STPG2: variants seen among roughly 807,000 people sequenced by gnomAD.
STPG2 encodes the protein sperm tail PG-rich repeat containing 2, also known as sperm-tail PG-rich repeat-containing protein 2.
STPG2 carries 56 observed loss-of-function variants against 54.2 expected under a neutral mutation model. The ratio of observed to expected loss-of-function variants is 1.03; its 90% CI spans 0.83 to 1.29. The LOEUF (loss-of-function observed/expected upper bound fraction) is 1.29. Among genes scored for constraint, STPG2 ranks in the 50% most tolerant of loss-of-function variants. STPG2 has a pLI of 0.00. For synonymous variants in STPG2, 200 were observed against 181.8 expected (o/e 1.10, Z -0.81); for missense variants, 596 against 544.9 (o/e 1.09, Z -0.93).
At chr4:97,937,170 G>A (rs1732777160) in intron 8 of STPG2, among the ~76,000 whole-genome samples, 1 of 151,658 alleles carries the variant, frequency 6.6e-6, no homozygotes, top group African/African-American at 2.4e-5. Context: ...GATCGATTCA[G>A]CTATTGATAT....
At chr4:97,494,438 T>A (rs765416955) in intron 4 of STPG2, among the ~76,000 whole-genome samples, 6 of 151,550 alleles carry the variant, frequency 4.0e-5, no homozygotes, top group Admixed American at 1.3e-4. Context: ...AATTTTAGAA[T>A]TGCTGTGAAC....
intron 9 of STPG2, among the ~76,000 whole-genome samples, chr4:97,761,164 C>A (rs567738011): frequency 1.3e-5 from 2 of 152,104 alleles, no homozygotes; most frequent in South Asian, 4.1e-4. Context: ...GAATTGTGCC[C>A]CCCAAAAAAA....
intron 10 of STPG2, among the ~76,000 whole-genome samples, chr4:97,679,966 G>C (rs1439971854): frequency 6.6e-6 from 1 of 151,912 alleles, no homozygotes; most frequent in African/African-American, 2.4e-5. Context: ...TGAGGGCTCT[G>C]TTCTGTTCCA....
At chr4:97,498,535 G>A (rs1234056530) in intron 4 of STPG2, among the ~76,000 whole-genome samples, 1 of 151,414 alleles carries the variant, frequency 6.6e-6, no homozygotes, top group Non-Finnish European at 1.5e-5. Context: ...CTAAAGAAAA[G>A]TGCATGATTA....
intron 8 of STPG2, among the ~76,000 whole-genome samples, chr4:97,918,389 T>A (rs963405410): frequency 1.3e-5 from 2 of 152,156 alleles, no homozygotes; most frequent in African/African-American, 4.8e-5. Context: ...GAATTTTTTA[T>A]GCATTAAGGA....
chr4:97,998,858 C>T (rs1191214414), intron 5 of STPG2, among the ~76,000 whole-genome samples: 1 of 152,100 alleles, frequency 6.6e-6, no homozygotes, highest in Non-Finnish European at 1.5e-5. Context: ...CTGTGGTGTT[C>T]CATGCACATG....
chr4:97,442,981 A>T (rs950087564), intron 4 of STPG2, among the ~76,000 whole-genome samples: 8 of 152,126 alleles, frequency 5.3e-5, no homozygotes, highest in African/African-American at 1.9e-4. Flanking sequence ...TTGAAAGGAA[A>T]GGAGCTTGAC....
intron 10 of STPG2, among the ~76,000 whole-genome samples, chr4:97,571,286 C>T (rs999098676): frequency 6.6e-6 from 1 of 151,930 alleles, no homozygotes; most frequent in African/African-American, 2.4e-5. Context: ...TATCCATAAA[C>T]CAAAAATAAA....
intron 10 of STPG2, among the ~76,000 whole-genome samples, chr4:97,563,857 A>G (rs1393551824): frequency 6.6e-6 from 1 of 152,134 alleles, no homozygotes; most frequent in African/African-American, 2.4e-5. Context: ...CTTTACTTCT[A>G]ATGATGTGGT....
chr4:97,554,044 A>G (rs147361119), downstream of STPG2, among the ~76,000 whole-genome samples: 629 of 152,282 alleles, frequency 4.1e-3, 3 homozygotes, highest in South Asian at 0.02. Context: ...TAACTCTTCT[A>G]AAGTGTCATT....
intron 4 of STPG2, among the ~76,000 whole-genome samples, chr4:97,549,735 T>TA (rs1731923954): frequency 6.6e-6 from 1 of 152,170 alleles, no homozygotes; most frequent in African/African-American, 2.4e-5. Context: ...AGACTGGAGT[T>TA]ATGTTTCCAT....
chr4:97,987,207 A>G (rs2149266838), intron 5 of STPG2, among the ~76,000 whole-genome samples: 1 of 152,314 alleles, frequency 6.6e-6, no homozygotes, highest in South Asian at 2.1e-4. Flanking sequence ...CTGAAAACAC[A>G]CTACCTGAAA....
chr4:97,931,167 C>T (rs907681533), intron 8 of STPG2, among the ~76,000 whole-genome samples: 2 of 152,128 alleles, frequency 1.3e-5, no homozygotes, highest in Admixed American at 6.5e-5. Flanking sequence ...TATTTGGATG[C>T]CTTTTATTTT....
chr4:97,653,529 A>G (rs992642937), intron 10 of STPG2, among the ~76,000 whole-genome samples: 2 of 152,116 alleles, frequency 1.3e-5, no homozygotes, highest in African/African-American at 4.8e-5. Context: ...GGGAGCTTTC[A>G]AAAAATGACT....
intron 5 of STPG2, among the ~76,000 whole-genome samples, chr4:97,984,717 T>C (rs1041644005): frequency 5.3e-5 from 8 of 152,220 alleles, no homozygotes; most frequent in African/African-American, 1.9e-4. Flanking sequence ...TTTTTTGAAG[T>C]GTAGTCAAAG....
chr4:98,061,236 G>T (rs1737643958), intron 5 of STPG2, among the ~76,000 whole-genome samples: 1 of 152,100 alleles, frequency 6.6e-6, no homozygotes, highest in Admixed American at 6.5e-5. Context: ...CTGCTATAAA[G>T]AACTACCTGA....
At chr4:97,569,162 T>A (rs1732534592) in intron 10 of STPG2, among the ~76,000 whole-genome samples, 1 of 152,180 alleles carries the variant, frequency 6.6e-6, no homozygotes, top group African/African-American at 2.4e-5. Context: ...ATGAGTTTTC[T>A]GGGAAAGGAG....
intron 10 of STPG2, among the ~76,000 whole-genome samples, chr4:97,600,494 G>A (rs754625155): frequency 5.1e-4 from 78 of 152,210 alleles, no homozygotes; most frequent in Non-Finnish European, 8.1e-4. Flanking sequence ...CTCCAATGAC[G>A]TTAATGCCTA....
chr4:97,840,816 A>T lies in STPG2; in HGVS notation c.1161T>A (p.Leu387=). The change falls in exon 9 of 11, where the codon CTT becomes CTA. Residue 387 remains leucine, a synonymous_variant. Coordinates refer to ENST00000295268, the MANE Select transcript of STPG2 (RefSeq NM_174952.3). The part of the protein sequence containing the change: ...LVAKRKHASF[L]SATPRCLEKV... The stretch of plus-strand genomic sequence containing the variant: ...TTTCTAGGCACCGAGGAGTTGCACT[A>T]AGAAAAGAGGCATGTTTTCTTTTAG... 1 of 1,612,098 alleles carries T rather than the reference A, an allele frequency of 6.2e-7. No individual in the cohort carries two copies. Among genetic ancestry groups the T allele is most frequent in the Non-Finnish European group, 8.5e-7 (1 of 1,178,570 alleles).
Sources: gnomAD v4.1 joint callset for allele counts (sites outside exome capture counted in the v4.1 genomes callset) on GRCh38, gnomAD v4.1.1 for gene constraint, MANE v1.5 for transcripts, NCBI Gene and HGNC (gene_info 2026-07-23, HGNC 2026-07-21) for gene names.